The following FOXP2 variants were observed in gnomAD, a reference collection of about 807,000 sequenced individuals.
FOXP2 encodes the protein forkhead box P2.
In FOXP2, 12 loss-of-function variants were observed where a neutral mutation model predicts 115.8. The ratio of observed to expected loss-of-function variants is 0.10; its 90% CI spans 0.07 to 0.17. FOXP2 has a LOEUF of 0.17. Ranked by LOEUF, FOXP2 falls within the 10% of genes least tolerant of loss-of-function variation. FOXP2 has a pLI of 1.00. For missense variants in FOXP2, 629 were observed against 843.5 expected (o/e 0.75, Z 3.15); for synonymous variants, 328 against 297.7 (o/e 1.10, Z -1.05).
intron 3 of FOXP2, among the ~76,000 whole-genome samples, chr7:114,562,731 A>G (rs1049220057): frequency 6.6e-6 from 1 of 151,816 alleles, no homozygotes; most frequent in East Asian, 1.9e-4. Flanking sequence ...AATCACATTC[A>G]TATGTCCATA....
chr7:114,421,671 C>A (rs1047854902), intron 1 of FOXP2, among the ~76,000 whole-genome samples: 5 of 151,632 alleles, frequency 3.3e-5, no homozygotes, highest in African/African-American at 9.7e-5. Context: ...TTCCCCAAAT[C>A]ATGTTTTAAA....
intron 8 of FOXP2, chr7:114,645,129 A>AATATATATATAT (rs60674425): frequency 3.1e-5 from 1 of 32,658 alleles, no homozygotes; most frequent in African/African-American, 9.8e-5. Context: ...GAGTCATCCT[A>AATATATATATAT]ATATATATAT....
chr7:114,195,159 A>C (rs561004648), intron 1 of FOXP2, among the ~76,000 whole-genome samples: 10 of 152,074 alleles, frequency 6.6e-5, no homozygotes, highest in African/African-American at 2.2e-4. Flanking sequence ...GGAGCCGATG[A>C]ATATTATAAG....
At chr7:114,487,547 G>T (rs1003917384) in intron 2 of FOXP2, among the ~76,000 whole-genome samples, 7 of 152,058 alleles carry the variant, frequency 4.6e-5, no homozygotes, top group Non-Finnish European at 1.0e-4. Flanking sequence ...CAGAAAATGG[G>T]TTTTTCTTTT....
intron 2 of FOXP2, among the ~76,000 whole-genome samples, chr7:114,398,087 A>G (rs1243482214): frequency 6.6e-6 from 1 of 152,206 alleles, no homozygotes; most frequent in Non-Finnish European, 1.5e-5. Context: ...TATAATGGAT[A>G]TAGACCTTTA....
intron 3 of FOXP2, among the ~76,000 whole-genome samples, chr7:114,550,335 C>T (rs1425847744): frequency 1.3e-5 from 2 of 152,018 alleles, no homozygotes; most frequent in Non-Finnish European, 2.9e-5. Flanking sequence ...CCAGGATGGT[C>T]TCGATCCCTT....
At chr7:114,678,488 T>C (rs1446876980) in intron 16 of FOXP2, among the ~76,000 whole-genome samples, 1 of 150,430 alleles carries the variant, frequency 6.6e-6, no homozygotes, top group Non-Finnish European at 1.5e-5. Flanking sequence ...ATATGTTACC[T>C]ACTTTTAAAA....
intron 2 of FOXP2, among the ~76,000 whole-genome samples, chr7:114,321,191 A>ATTTG (rs1797412808): frequency 6.7e-6 from 1 of 149,728 alleles, no homozygotes; most frequent in African/African-American, 2.5e-5. Context: ...TTATTTATTT[A>ATTTG]TTTATTTATT....
intron 1 of FOXP2, among the ~76,000 whole-genome samples, chr7:114,242,630 CT>C (rs918905099): frequency 3.9e-5 from 6 of 152,154 alleles, no homozygotes; most frequent in Non-Finnish European, 7.4e-5. Context: ...GCCAATGGCT[CT>C]TTTAATTCAC....
At chr7:114,198,853 G>A (rs1262899650) in intron 1 of FOXP2, among the ~76,000 whole-genome samples, 1 of 152,166 alleles carries the variant, frequency 6.6e-6, no homozygotes, top group African/African-American at 2.4e-5. Context: ...ATTTGAAACT[G>A]GAGCCAGCCA....
chr7:114,455,729 G>C (rs1261152699), intron 2 of FOXP2, among the ~76,000 whole-genome samples: 1 of 152,058 alleles, frequency 6.6e-6, no homozygotes, highest in Non-Finnish European at 1.5e-5. Context: ...TTCCCACATT[G>C]CTTCAGAGTG....
At chr7:114,526,922 G>A (rs1385566811) in intron 2 of FOXP2, among the ~76,000 whole-genome samples, 2 of 151,170 alleles carry the variant, frequency 1.3e-5, no homozygotes, top group South Asian at 4.2e-4. Context: ...ACCCTAAAAA[G>A]AAACCCCATT....
chr7:114,317,154 T>G (rs1480986187), intron 2 of FOXP2, among the ~76,000 whole-genome samples: 1 of 152,176 alleles, frequency 6.6e-6, no homozygotes, highest in Non-Finnish European at 1.5e-5. Context: ...CCCCTGGTCC[T>G]CCATCTTTCC....
intron 1 of FOXP2, among the ~76,000 whole-genome samples, chr7:114,186,145 G>C: frequency 6.6e-6 from 1 of 152,144 alleles, no homozygotes; most frequent in Non-Finnish European, 1.5e-5. Flanking sequence ...TGGACGGGAC[G>C]TATGTTCAAA....
chr7:114,340,032 T>TGGCCA (rs1303138534), intron 2 of FOXP2, among the ~76,000 whole-genome samples: 1 of 151,240 alleles, frequency 6.6e-6, no homozygotes, highest in Non-Finnish European at 1.5e-5. Context: ...GCCATTTGAC[T>TGGCCA]TTAAATAGCA....
intron 2 of FOXP2, among the ~76,000 whole-genome samples, chr7:114,337,167 A>C (rs1797873081): frequency 6.6e-6 from 1 of 151,378 alleles, no homozygotes; most frequent in African/African-American, 2.4e-5. Context: ...TTTATATATA[A>C]TGGTTTAAAA....
intron 6 of FOXP2, among the ~76,000 whole-genome samples, chr7:114,637,937 T>C (rs375910234): frequency 1.1e-4 from 17 of 152,198 alleles, no homozygotes; most frequent in East Asian, 7.7e-4. Flanking sequence ...TTAGATTAGA[T>C]ATCATATGTG....
intron 2 of FOXP2, among the ~76,000 whole-genome samples, chr7:114,504,239 A>G (rs1455023709): frequency 1.3e-5 from 2 of 151,634 alleles, no homozygotes; most frequent in Admixed American, 1.3e-4. Context: ...TAAATGTTAT[A>G]TTGATAATTT....
chr7:114,113,706 G>A (rs1750841745), intron 1 of FOXP2, among the ~76,000 whole-genome samples: 1 of 151,948 alleles, frequency 6.6e-6, no homozygotes, highest in African/African-American at 2.4e-5. Context: ...GTCTTGCTAT[G>A]TTGTCTAGGC....
Sources: allele counts gnomAD v4.1 joint callset (sites outside exome capture counted in the v4.1 genomes callset), GRCh38; gene constraint gnomAD v4.1.1; transcripts MANE v1.5; gene names NCBI Gene and HGNC (gene_info 2026-07-23, HGNC 2026-07-21).